Variants in GMPS observed in about 807,000 individuals in gnomAD.
The protein encoded by GMPS is guanosine monophosphate synthase.
Under a neutral mutation model 77.9 loss-of-function variants are expected in GMPS, and 15 were observed. The observed-to-expected ratio is 0.19, with a 90% CI of 0.13 to 0.30. The LOEUF (loss-of-function observed/expected upper bound fraction) is 0.30, where lower values mean the gene tolerates loss of function less well. Among genes scored for constraint, GMPS ranks in the 10% least tolerant of loss-of-function variants. The pLI, the probability that GMPS is intolerant of heterozygous loss-of-function variation, is 1.00. For missense variants in GMPS, 590 were observed against 838.8 expected (o/e 0.70, Z 3.66); for synonymous variants, 224 against 275.9 (o/e 0.81, Z 1.86).
rs375019699 is a variant in GMPS, at chr3:155,883,141, AG to A, written c.28-10376del. On this transcript the variant is annotated intron_variant, in intron 1 of 15. Coordinates refer to ENST00000496455, the MANE Select transcript of GMPS (RefSeq NM_003875.3). ...GGCTGGAGTGCAGTGGCACTATCTCAGCTCACTGCAGCTTCTGCCTCCTAGG... is the reference window on the plus strand; with the variant it reads ...GGCTGGAGTGCAGTGGCACTATCTCACTCACTGCAGCTTCTGCCTCCTAGG... Among the ~76,000 whole-genome samples, 528 of 152,248 alleles carry A rather than the reference AG, an allele frequency of 3.5e-3. 4 individuals carry two copies. Among genetic ancestry groups the A allele is most frequent in the African/African-American group, 0.012 (485 of 41,542 alleles).
intron 13 of GMPS, among the ~76,000 whole-genome samples, 197 bp from the exon 14 acceptor site, chr3:155,934,719 C>G (rs1429531910): frequency 6.6e-6 from 1 of 152,130 alleles, no homozygotes; most frequent in Non-Finnish European, 1.5e-5. Flanking sequence ...GAGGAAAACA[C>G]GTAGAACACA....
chr3:155,904,198 T>C (rs1754808296), intron 4 of GMPS, among the ~76,000 whole-genome samples: 1 of 152,190 alleles, frequency 6.6e-6, no homozygotes, highest in Non-Finnish European at 1.5e-5. Flanking sequence ...TGTGCAGTTG[T>C]GGAACCCTAC....
intron 12 of GMPS, among the ~76,000 whole-genome samples, chr3:155,926,607 A>G (rs972426052): frequency 1.3e-5 from 2 of 151,074 alleles, no homozygotes; most frequent in East Asian, 3.8e-4. Context: ...AAAAAAAGAA[A>G]TTCTGTTTCA....
intron 1 of GMPS, among the ~76,000 whole-genome samples, chr3:155,887,418 A>G (rs1297539076): frequency 6.6e-6 from 1 of 152,208 alleles, no homozygotes; most frequent in African/African-American, 2.4e-5. Flanking sequence ...ATTTCTTGTC[A>G]AATGTTTATC....
At chr3:155,879,348 A>G (rs1374120978) in intron 1 of GMPS, among the ~76,000 whole-genome samples, 2 of 148,466 alleles carry the variant, frequency 1.3e-5, no homozygotes, top group African/African-American at 5.0e-5. Context: ...GCTCACTGCA[A>G]CCTCCACCTC....
At position 155,870,804 on chromosome 3, in the gene GMPS, C is replaced by T. The variant is rs1054260296; in HGVS notation, c.-67C>T. 6.1e-6 allele frequency: 7 copies of T among 1,150,066 alleles called. No homozygotes were observed. The highest frequency in any genetic ancestry group is 1.6e-5 in the African/African-American group (1 of 62,398). 71.2% of individuals were successfully genotyped at this position (1,150,066 alleles called of 1,614,324 possible). ...TCAACCTCAGCCCGCGGCGCCGACC[C>T]TTCCGGCACCCTCCCGCCCCGTCTC... On this transcript the variant is annotated 5_prime_UTR_variant, in exon 1 of 16. Coordinates refer to ENST00000496455, the MANE Select transcript of GMPS (RefSeq NM_003875.3).
chr3:155,914,674 A>G (rs189846876), intron 8 of GMPS, 104 bp downstream of exon 8: 25 of 668,344 alleles, frequency 3.7e-5, no homozygotes, highest in African/African-American at 5.5e-5. Context: ...GCTAATTTTA[A>G]TCCTTTTTCT....
chr3:155,937,855 C>A lies in GMPS; in HGVS notation c.*163C>A. 1 of 572,156 alleles carries A rather than the reference C, an allele frequency of 1.7e-6. No individual in the cohort carries two copies. The highest frequency in any genetic ancestry group is 3.1e-6 in the Non-Finnish European group (1 of 323,504). The allele number at this position is 572,156 out of a possible 1,614,324, so 35.4% of individuals were successfully genotyped here. A position where few individuals can be genotyped will look rare whatever the true frequency, so the allele number is the denominator to read the frequency against. On this transcript the variant is annotated 3_prime_UTR_variant, in exon 16 of 16. Coordinates refer to ENST00000496455, the MANE Select transcript of GMPS (RefSeq NM_003875.3). ...GGCTTAAGAGCTGAGTTGGGGATAA[C>A]CAAAAGGGACTGAAGAGTTTGTACG...
rs931531577 is a variant in GMPS at position 155,937,913 on chromosome 3, A to T, written c.*221A>T. 6.5e-6 allele frequency: 3 copies of T among 459,030 alleles called. No homozygotes were observed. The Admixed American group carries it at 1.2e-4, about 18-fold the overall frequency. 28.4% of individuals were successfully genotyped at this position (459,030 alleles called of 1,614,324 possible). ...AATCAAAGCACCATTGCCTACACTC[A>T]GACAGATTGATACTGCTTTTGCCTT... On this transcript the variant is annotated 3_prime_UTR_variant, in exon 16 of 16. Coordinates refer to ENST00000496455, the MANE Select transcript of GMPS (RefSeq NM_003875.3).
chr3:155,910,568 C>CAAAAGA, intron 5 of GMPS, 124 bp from the exon 6 acceptor site: 1 of 258,404 alleles, frequency 3.9e-6, no homozygotes, highest in Non-Finnish European at 6.5e-6. Flanking sequence ...GACTCTGTCT[C>CAAAAGA]AAAAAAAAAA....
intron 12 of GMPS, among the ~76,000 whole-genome samples, chr3:155,928,019 CT>C (rs35962523): frequency 0.031 from 2,102 of 67,706 alleles, 21 homozygotes; most frequent in Admixed American, 0.1. Flanking sequence ...GCATTTTACA[CT>C]TTTTTTTTTT....
intron 1 of GMPS, among the ~76,000 whole-genome samples, chr3:155,871,653 C>T (rs778201495): frequency 6.6e-6 from 1 of 152,230 alleles, no homozygotes; most frequent in Non-Finnish European, 1.5e-5. Context: ...TGCTCCCTGT[C>T]GAGCTTGCTG....
chr3:155,904,576 A>C (rs759686512), intron 4 of GMPS, among the ~76,000 whole-genome samples: 5 of 152,190 alleles, frequency 3.3e-5, no homozygotes, highest in Non-Finnish European at 7.3e-5. Context: ...GGTGTGAGCC[A>C]CTGCACCCTG....
At position 155,939,208 on chromosome 3, in the gene GMPS, G is replaced by A. The variant is rs908923658; in HGVS notation, c.*1516G>A. ...TTAAAGGGTACATTCTCTATCTGATGAGGAGGTACTCATTATGGCCTTCTG... is the reference window on the plus strand; with the variant it reads ...TTAAAGGGTACATTCTCTATCTGATAAGGAGGTACTCATTATGGCCTTCTG... On this transcript the variant is annotated 3_prime_UTR_variant, in exon 16 of 16. Coordinates refer to ENST00000496455, the MANE Select transcript of GMPS (RefSeq NM_003875.3). 9 of 220,898 alleles carry A rather than the reference G, an allele frequency of 4.1e-5. No individual in the cohort carries two copies. In the Admixed American group the frequency reaches 5.2e-4, roughly 13 times the overall value. The allele number at this position is 220,898 out of a possible 1,614,324, so 13.7% of individuals were successfully genotyped here.
intron 3 of GMPS, among the ~76,000 whole-genome samples, chr3:155,899,094 G>A (rs1196453854): frequency 6.6e-5 from 10 of 152,148 alleles, no homozygotes; most frequent in Non-Finnish European, 1.2e-4. Context: ...TTGGCCAGGC[G>A]CAGTGGCTCA....
intron 3 of GMPS, among the ~76,000 whole-genome samples, chr3:155,901,278 T>A (rs1421253780): frequency 6.6e-6 from 1 of 152,166 alleles, no homozygotes; most frequent in Non-Finnish European, 1.5e-5. Context: ...ATAAGTGAAG[T>A]CATACTACCT....
intron 8 of GMPS, 125 bp downstream of exon 8, chr3:155,914,695 A>G (rs1025686252): frequency 3.6e-6 from 2 of 562,918 alleles, no homozygotes; most frequent in African/African-American, 3.9e-5. Context: ...TATGTGGCTG[A>G]GAGTTTTATT....
At chr3:155,884,369 G>A (rs1310662191) in intron 1 of GMPS, among the ~76,000 whole-genome samples, 2 of 147,164 alleles carry the variant, frequency 1.4e-5, no homozygotes, top group Non-Finnish European at 3.0e-5. Context: ...CTGGGCAACA[G>A]AGCGAGACTC....
At chr3:155,921,174 A>G (rs1256428568) in intron 10 of GMPS, among the ~76,000 whole-genome samples, 2 of 152,126 alleles carry the variant, frequency 1.3e-5, no homozygotes, top group African/African-American at 4.8e-5. Context: ...AATCTCTTGA[A>G]CCTGGGAGGT....
Sources: allele counts gnomAD v4.1 joint callset (sites outside exome capture counted in the v4.1 genomes callset), GRCh38; gene constraint gnomAD v4.1.1; transcripts MANE v1.5; gene names NCBI Gene and HGNC (gene_info 2026-07-23, HGNC 2026-07-21).